The following MAGI1 variants were observed in gnomAD, a reference collection of about 807,000 sequenced individuals.
The protein encoded by MAGI1 is membrane-associated guanylate kinase, WW and PDZ domain-containing protein 1.
In MAGI1, 58 loss-of-function variants were observed where a neutral mutation model predicts 139.9. That is an observed-to-expected ratio of 0.41 (90% CI 0.34 to 0.52). The LOEUF is 0.52. MAGI1 is among the 20% of genes least tolerant of loss of function. The pLI, the probability that MAGI1 is intolerant of heterozygous loss-of-function variation, is 0.12. For missense variants in MAGI1, 1,874 were observed against 1,901.6 expected (o/e 0.99, Z 0.27); for synonymous variants, 812 against 737.9 (o/e 1.10, Z -1.63).
chr3:65,965,265 C>T (rs1186043025), intron 1 of MAGI1, among the ~76,000 whole-genome samples: 1 of 152,232 alleles, frequency 6.6e-6, no homozygotes, highest in African/African-American at 2.4e-5. Context: ...TGCATCCCAG[C>T]CTCCTGACTT....
At chr3:65,365,891 T>A (rs1206562411) in intron 18 of MAGI1, among the ~76,000 whole-genome samples, 3 of 152,188 alleles carry the variant, frequency 2.0e-5, no homozygotes, top group South Asian at 2.1e-4. Flanking sequence ...ATAATATATA[T>A]CTTTCCACTG....
At chr3:65,365,146 C>T (rs765329078) in intron 18 of MAGI1, 200 bp from the exon 19 acceptor site, 2 of 744,450 alleles carry the variant, frequency 2.7e-6, no homozygotes, top group Non-Finnish European at 5.0e-6. Context: ...CATGTATGTC[C>T]CCATGACCCT....
intron 22 of MAGI1, chr3:65,360,351 C>CTT (rs533416565): frequency 2.7e-4 from 249 of 909,494 alleles, no homozygotes; most frequent in Middle Eastern, 5.7e-4. Flanking sequence ...ATAGCTTCTT[C>CTT]TTTTTTTTTT....
intron 1 of MAGI1, among the ~76,000 whole-genome samples, chr3:65,995,360 G>C (rs1385658319): frequency 6.6e-6 from 1 of 152,158 alleles, no homozygotes; most frequent in Non-Finnish European, 1.5e-5. Context: ...TAGGTGAGTG[G>C]CTCACACCGT....
intron 1 of MAGI1, among the ~76,000 whole-genome samples, chr3:65,959,757 G>A (rs978505728): frequency 6.5e-4 from 92 of 142,120 alleles, no homozygotes; most frequent in Admixed American, 1.1e-3. Context: ...AAGGCACCAC[G>A]CCCATCCTAA....
chr3:65,581,077 C>G (rs912102667), intron 2 of MAGI1, among the ~76,000 whole-genome samples: 1 of 152,082 alleles, frequency 6.6e-6, no homozygotes, highest in African/African-American at 2.4e-5. Flanking sequence ...TATCTACACA[C>G]CCTGTGCCAG....
At chr3:65,422,177 T>G (rs1328056705) in intron 12 of MAGI1, among the ~76,000 whole-genome samples, 1 of 152,216 alleles carries the variant, frequency 6.6e-6, no homozygotes, top group Non-Finnish European at 1.5e-5. Context: ...CATGTGGCTA[T>G]GGAGCTCTTG....
chr3:65,419,227 C>CACACACACACACACACACACACACAT (rs1357819673), intron 12 of MAGI1, among the ~76,000 whole-genome samples: 5 of 142,462 alleles, frequency 3.5e-5, no homozygotes, highest in Non-Finnish European at 6.0e-5. Context: ...TTCATACACA[C>CACACACACACACACACACACACACAT]ACACACACAC....
intron 2 of MAGI1, among the ~76,000 whole-genome samples, chr3:65,580,620 C>A (rs1404538): frequency 0.21 from 31,705 of 152,064 alleles, 3,544 homozygotes; most frequent in Admixed American, 0.28. Flanking sequence ...GTATTTTCTG[C>A]ACATAAAGTA....
chr3:65,401,729 G>C (rs1944913109), intron 12 of MAGI1: 1 of 1,484,706 alleles, frequency 6.7e-7, no homozygotes, highest in Non-Finnish European at 9.0e-7. Flanking sequence ...GCTGGGAAAA[G>C]AAATTCACAG....
In MAGI1 at chr3:65,818,068, GTC is replaced by G. The variant is rs1185247369; in HGVS notation, c.314-195982_314-195981del. 4.3e-3 allele frequency among the ~76,000 whole-genome samples: 656 copies of G among 151,590 alleles called. 5 individuals carry two copies. Among genetic ancestry groups the G allele is most frequent in the Middle Eastern group, 0.014 (4 of 294 alleles). On this transcript the variant is annotated intron_variant, in intron 1 of 22. Coordinates refer to ENST00000402939, the MANE Select transcript of MAGI1 (RefSeq NM_001033057.2). ...AGTGTGTGTGTGTGTGTGTGTGTGT[GTC>G]TCTCTCTTTGACTTTCCTTTGTTAA...
chr3:65,985,161 A>G (rs2065816588), intron 1 of MAGI1, among the ~76,000 whole-genome samples: 1 of 152,336 alleles, frequency 6.6e-6, no homozygotes, highest in Non-Finnish European at 1.5e-5. Context: ...TACCCTGACC[A>G]TGTGACTGGA....
intron 2 of MAGI1, among the ~76,000 whole-genome samples, chr3:65,506,160 T>G (rs1242178222): frequency 6.6e-6 from 1 of 152,150 alleles, no homozygotes; most frequent in Non-Finnish European, 1.5e-5. Context: ...GCTCTGGTAT[T>G]TGCAAACTGT....
chr3:65,837,791 C>T (rs1236074131), intron 1 of MAGI1, among the ~76,000 whole-genome samples: 1 of 152,144 alleles, frequency 6.6e-6, no homozygotes, highest in East Asian at 1.9e-4. Flanking sequence ...ATATTTTTAG[C>T]TAGTTCCTAA....
At chr3:65,696,087 C>T (rs1235093188) in intron 1 of MAGI1, among the ~76,000 whole-genome samples, 2 of 152,196 alleles carry the variant, frequency 1.3e-5, no homozygotes. Flanking sequence ...TGGGTTCCAG[C>T]TTCACTGGCG....
intron 1 of MAGI1, among the ~76,000 whole-genome samples, chr3:65,910,132 G>C (rs1033466356): frequency 1.1e-4 from 16 of 152,186 alleles, no homozygotes; most frequent in Non-Finnish European, 2.4e-4. Context: ...CCATGACCTG[G>C]GGGTTGGGGA....
intron 1 of MAGI1, among the ~76,000 whole-genome samples, chr3:65,927,758 T>C (rs2062595353): frequency 6.6e-6 from 1 of 152,160 alleles, no homozygotes; most frequent in Non-Finnish European, 1.5e-5. Context: ...GCCAAGAGTA[T>C]GACAGGGTTC....
In MAGI1 at chr3:65,686,232, G is replaced by A. The variant is rs187000202; in HGVS notation, c.314-64144C>T. 4.3e-3 allele frequency among the ~76,000 whole-genome samples: 657 copies of A among 152,152 alleles called. 2 individuals are homozygous for A. Among genetic ancestry groups the A allele is most frequent in the Middle Eastern group, 0.014 (4 of 294 alleles). On this transcript the variant is annotated intron_variant, in intron 1 of 22. Coordinates refer to ENST00000402939, the MANE Select transcript of MAGI1 (RefSeq NM_001033057.2). ...TCCCATTCATTGGCCTTTGGATTTG[G>A]GGGTTCTCCATAGATGGTATCTCTC... is the stretch of plus-strand genomic sequence containing the variant.
At chr3:65,533,335 T>A in intron 2 of MAGI1, among the ~76,000 whole-genome samples, 1 of 152,194 alleles carries the variant, frequency 6.6e-6, no homozygotes, top group East Asian at 1.9e-4. Flanking sequence ...ATAGTAACAC[T>A]GCAATCTGCT....
Sources: allele counts gnomAD v4.1 joint callset (sites outside exome capture counted in the v4.1 genomes callset), GRCh38; gene constraint gnomAD v4.1.1; transcripts MANE v1.5; gene names NCBI Gene and HGNC (gene_info 2026-07-23, HGNC 2026-07-21).